The following ENTPD1 variants were observed in gnomAD, a reference collection of about 807,000 sequenced individuals.
ENTPD1 encodes the protein ectonucleoside triphosphate diphosphohydrolase 1.
ENTPD1 carries 33 observed loss-of-function variants against 57.0 expected under a neutral mutation model. The observed-to-expected ratio is 0.58, with a 90% CI of 0.44 to 0.77. The LOEUF is 0.77. Among genes scored for constraint, ENTPD1 ranks in the 30% least tolerant of loss-of-function variants. The pLI is 0.00. For missense variants in ENTPD1, 501 were observed against 603.4 expected, an observed-to-expected ratio of 0.83 and a Z score of 1.78; for synonymous variants, 202 against 218.8, an observed-to-expected ratio of 0.92 and a Z score of 0.68.
At chr10:95,862,279 T>C (rs2098466641) in intron 8 of ENTPD1, among the ~76,000 whole-genome samples, 2 of 152,210 alleles carry the variant, frequency 1.3e-5, no homozygotes, top group Admixed American at 1.3e-4. Context: ...CAGGGTTCAC[T>C]TTCCCAAGCT....
At chr10:95,708,004 A>T (rs1174861230), upstream of ENTPD1, among the ~76,000 whole-genome samples, 2 of 152,304 alleles carry the variant, frequency 1.3e-5, no homozygotes, top group African/African-American at 4.8e-5. Flanking sequence ...TTAAAAAAAG[A>T]TACTAGATTT....
At chr10:95,848,574 G>A (rs1455043197) in intron 7 of ENTPD1, among the ~76,000 whole-genome samples, 2 of 152,090 alleles carry the variant, frequency 1.3e-5, no homozygotes, top group African/African-American at 4.8e-5. Context: ...GTCTGTGGTT[G>A]GGGGGCATGA....
intron 1 of ENTPD1, chr10:95,756,845 G>A (rs1280842627): frequency 6.6e-6 from 1 of 151,970 alleles, no homozygotes; most frequent in East Asian, 1.9e-4. Context: ...GACAGAGTGG[G>A]GGACGGGGAC....
At chr10:95,839,294 A>C (rs1028374839) in intron 2 of ENTPD1, 2 of 269,744 alleles carry the variant, frequency 7.4e-6, no homozygotes, top group Non-Finnish European at 1.5e-5. Flanking sequence ...TTTCCAGGTG[A>C]TTCCCGTATG....
At chr10:95,815,872 A>G (rs931371597) in intron 1 of ENTPD1, among the ~76,000 whole-genome samples, 6 of 152,212 alleles carry the variant, frequency 3.9e-5, no homozygotes, top group Admixed American at 1.3e-4. Flanking sequence ...GGCAACTTGG[A>G]GAACAAACAA....
chr10:95,809,373 C>A (rs1270646546), intron 1 of ENTPD1, among the ~76,000 whole-genome samples: 1 of 145,332 alleles, frequency 6.9e-6, no homozygotes, highest in Non-Finnish European at 1.5e-5. Context: ...ACGGGGCGGC[C>A]GGGCAGAGGC....
chr10:95,714,591 T>C (rs941897885), intron 1 of ENTPD1, among the ~76,000 whole-genome samples: 2 of 152,116 alleles, frequency 1.3e-5, no homozygotes, highest in Admixed American at 1.3e-4. Flanking sequence ...TGTTGAAAAA[T>C]AGAATAGCTT....
the ENTPD1 span, among the ~76,000 whole-genome samples, chr10:95,695,935 TG>T: frequency 6.6e-6 from 1 of 152,216 alleles, no homozygotes; most frequent in Non-Finnish European, 1.5e-5. Flanking sequence ...TTCTTCTTTT[TG>T]CAACCAATTT....
chr10:95,810,613 CAT>C (rs1261534725), intron 1 of ENTPD1, among the ~76,000 whole-genome samples: 1 of 152,242 alleles, frequency 6.6e-6, no homozygotes, highest in Non-Finnish European at 1.5e-5. Context: ...ACCATATTCA[CAT>C]ATTCCTTCTT....
intron 2 of ENTPD1, among the ~76,000 whole-genome samples, chr10:95,826,700 T>G (rs1023852437): frequency 6.6e-6 from 1 of 151,520 alleles, no homozygotes; most frequent in Non-Finnish European, 1.5e-5. Flanking sequence ...TATATAAAGA[T>G]GGGGAGGTAC....
At chr10:95,852,330 G>C (rs2098446792) in intron 7 of ENTPD1, among the ~76,000 whole-genome samples, 2 of 152,026 alleles carry the variant, frequency 1.3e-5, no homozygotes, top group South Asian at 4.2e-4. Flanking sequence ...CTGGATATTA[G>C]CCCTTTGTCA....
At chr10:95,775,439 C>A (rs559873553) in intron 1 of ENTPD1, among the ~76,000 whole-genome samples, 163 of 152,264 alleles carry the variant, frequency 1.1e-3, no homozygotes, top group African/African-American at 3.6e-3. Flanking sequence ...CAGTTTTTGC[C>A]CATTCAGTAT....
chr10:95,823,405 G>C lies in ENTPD1; in HGVS notation c.144+41G>C, dbSNP rs574094484. 8.1e-5 allele frequency: 130 copies of C among 1,612,444 alleles called. 4 individuals are homozygous for C. The South Asian group carries it at 1.4e-3, about 17-fold the overall frequency. ...CTGTGTGTTTGTGTGTATGTAAGAG[G>C]AGATCTGGGTGGGACAGGGGGAGGA... On this transcript the variant is annotated intron_variant, in intron 2 of 9. Transcript: ENST00000371205.
At chr10:95,812,841 GAA>G (rs1040441364) in intron 1 of ENTPD1, among the ~76,000 whole-genome samples, 10 of 152,042 alleles carry the variant, frequency 6.6e-5, no homozygotes, top group Admixed American at 2.6e-4. Context: ...TTGCTATTCT[GAA>G]AATTATTTTT....
intron 2 of ENTPD1, among the ~76,000 whole-genome samples, chr10:95,831,107 G>A (rs962049979): frequency 1.3e-5 from 2 of 152,176 alleles, no homozygotes; most frequent in African/African-American, 4.8e-5. Context: ...AAATTCCTTT[G>A]AGGACCTTTT....
chr10:95,839,463 A>C (rs1447524526), intron 2 of ENTPD1: 1 of 566,492 alleles, frequency 1.8e-6, no homozygotes, highest in African/African-American at 1.9e-5. Context: ...CCTGTTCTGC[A>C]TAAGGTCTGA....
chr10:95,822,417 C>T (rs1381023573), intron 1 of ENTPD1, among the ~76,000 whole-genome samples: 1 of 152,114 alleles, frequency 6.6e-6, no homozygotes, highest in African/African-American at 2.4e-5. Context: ...CTGCCTCAGC[C>T]TCCCGAGTAG....
In ENTPD1 at chr10:95,842,398, C is replaced by A; in HGVS notation, c.317C>A (p.Thr106Asn). ...GTAAATGAAATAGGCATTTACCTGA[C>A]TGATTGCATGGAAAGAGCTAGGGAA... ...QKVNEIGIYL[T>N]DCMERAREVI... The change falls in exon 4 of 10, where the codon ACT (threonine) becomes AAT (asparagine). Residue 106 changes from threonine (T) to asparagine (N), a missense_variant. Thr to Asn is a moderately conservative substitution (Grantham distance 65). Transcript: ENST00000371205. The A allele has an allele frequency of 6.2e-7, 1 of 1,614,026 alleles. No homozygotes were observed. Among genetic ancestry groups the A allele is most frequent in the Non-Finnish European group, 8.5e-7 (1 of 1,179,980 alleles).
upstream of ENTPD1, among the ~76,000 whole-genome samples, chr10:95,752,652 C>T (rs1277119265): frequency 1.3e-5 from 2 of 151,854 alleles, no homozygotes; most frequent in East Asian, 1.9e-4. Context: ...GCAATAAGAG[C>T]GAAACTCTGT....
Sources: gnomAD v4.1 joint callset for allele counts (sites outside exome capture counted in the v4.1 genomes callset) on GRCh38, gnomAD v4.1.1 for gene constraint, MANE v1.5 for transcripts, NCBI Gene and HGNC (gene_info 2026-07-23, HGNC 2026-07-21) for gene names.